Variants in CLEC2A observed in about 807,000 individuals in gnomAD.
CLEC2A encodes the protein keratinocyte-associated C-type lectin.
In CLEC2A, 19 loss-of-function variants were observed where a neutral mutation model predicts 18.6. The ratio of observed to expected loss-of-function variants is 1.02; its 90% confidence interval spans 0.71 to 1.50. The LOEUF is 1.50. CLEC2A is among the 40% of genes most tolerant of loss of function. The probability of loss-of-function intolerance (pLI) is 0.00; values close to 1 mark genes in which losing one functional copy is unlikely to be tolerated. For missense variants in CLEC2A, 190 were observed against 207.9 expected, an observed-to-expected ratio of 0.91 and a Z score of 0.53; for synonymous variants, 74 against 64.0, an observed-to-expected ratio of 1.16 and a Z score of -0.75.
downstream of CLEC2A, among the ~76,000 whole-genome samples, chr12:9,895,011 C>T (rs960230444): frequency 6.6e-6 from 1 of 152,020 alleles, no homozygotes; most frequent in African/African-American, 2.4e-5. Flanking sequence ...TCATTAGTAA[C>T]TAGAAAGAAT....
intron 3 of CLEC2A, among the ~76,000 whole-genome samples, chr12:9,921,851 A>G (rs1863177790): frequency 6.6e-6 from 1 of 152,176 alleles, no homozygotes; most frequent in Non-Finnish European, 1.5e-5. Flanking sequence ...CGTTGTTTTC[A>G]TATTGAGTAG....
intron 4 of CLEC2A, among the ~76,000 whole-genome samples, chr12:9,903,490 T>C (rs913462206): frequency 1.3e-5 from 2 of 152,250 alleles, no homozygotes; most frequent in Non-Finnish European, 2.9e-5. Context: ...GCTAGTTCAT[T>C]GGATAAAACA....
At chr12:9,930,830 T>C (rs1300099581) in intron 1 of CLEC2A, among the ~76,000 whole-genome samples, 1 of 152,114 alleles carries the variant, frequency 6.6e-6, no homozygotes, top group Non-Finnish European at 1.5e-5. Flanking sequence ...TTATATTTTC[T>C]AACTGTTTTC....
chr12:9,922,925 T>C (rs1389920171), intron 2 of CLEC2A, among the ~76,000 whole-genome samples: 1 of 152,148 alleles, frequency 6.6e-6, no homozygotes, highest in Non-Finnish European at 1.5e-5. Context: ...CATGATTTAT[T>C]ATTATTATTA....
intron 4 of CLEC2A, among the ~76,000 whole-genome samples, chr12:9,899,884 C>A (rs1269251968): frequency 6.6e-6 from 1 of 152,192 alleles, no homozygotes; most frequent in African/African-American, 2.4e-5. Context: ...TCCCTCAGAT[C>A]CAGTTTTCTT....
intron 4 of CLEC2A, among the ~76,000 whole-genome samples, chr12:9,906,635 A>C (rs2137022247): frequency 6.6e-6 from 1 of 152,338 alleles, no homozygotes; most frequent in South Asian, 2.1e-4. Flanking sequence ...TAATGCAAGC[A>C]GTTCACAAGT....
At chr12:9,891,062 G>C in the CLEC2A span, among the ~76,000 whole-genome samples, 1 of 83,504 alleles carries the variant, frequency 1.2e-5, no homozygotes, top group Non-Finnish European at 2.5e-5. Flanking sequence ...TTTTTTTTTT[G>C]CCCTTTATTT....
intron 3 of CLEC2A, among the ~76,000 whole-genome samples, chr12:9,919,041 C>G (rs1863119525): frequency 6.6e-6 from 1 of 152,158 alleles, no homozygotes; most frequent in Admixed American, 6.5e-5. Flanking sequence ...ACTCTTGATC[C>G]ATTGTGTGAC....
At chr12:9,922,615 A>G (rs1863192953) in intron 2 of CLEC2A, among the ~76,000 whole-genome samples, 2 of 152,254 alleles carry the variant, frequency 1.3e-5, no homozygotes, top group Non-Finnish European at 2.9e-5. Flanking sequence ...TCCTTTACCT[A>G]TGAAAACACC....
At chr12:9,886,217 G>A in the CLEC2A span, among the ~76,000 whole-genome samples, 3 of 151,974 alleles carry the variant, frequency 2.0e-5, no homozygotes, top group African/African-American at 4.8e-5. Flanking sequence ...TACAATATGT[G>A]TGTTTCTATA....
the CLEC2A span, chr12:9,884,870 A>G: frequency 1.9e-6 from 1 of 527,374 alleles, no homozygotes; most frequent in Non-Finnish European, 3.2e-6. Context: ...TCTGTAATAA[A>G]AATGAAACAG....
intron 1 of CLEC2A, among the ~76,000 whole-genome samples, chr12:9,927,233 A>G (rs1043660566): frequency 6.6e-6 from 1 of 152,242 alleles, no homozygotes; most frequent in African/African-American, 2.4e-5. Flanking sequence ...ATAGCATGTT[A>G]TCGTACTAAT....
the CLEC2A span, chr12:9,888,703 T>C: frequency 1.5e-6 from 2 of 1,300,826 alleles, no homozygotes; most frequent in Non-Finnish European, 2.1e-6. Flanking sequence ...TTTAAATGTT[T>C]CTCATATCTT....
the CLEC2A span, among the ~76,000 whole-genome samples, chr12:9,885,646 T>TATTGGGCA: frequency 6.6e-6 from 1 of 152,012 alleles, no homozygotes; most frequent in South Asian, 2.1e-4. Context: ...TCCATATTTG[T>TATTGGGCA]ATTGGGCAAT....
intron 1 of CLEC2A, among the ~76,000 whole-genome samples, chr12:9,927,971 GA>G (rs531444340): frequency 2.0e-5 from 3 of 151,436 alleles, no homozygotes; most frequent in African/African-American, 7.3e-5. Flanking sequence ...AAACAATTGA[GA>G]AAAAAAGGCT....
At chr12:9,884,952 A>G in the CLEC2A span, 2 of 1,269,806 alleles carry the variant, frequency 1.6e-6, no homozygotes, top group Non-Finnish European at 2.0e-6. Context: ...CTATATCCAC[A>G]ATATTATTGT....
At chr12:9,899,288 C>G (rs1862793576) in intron 4 of CLEC2A, among the ~76,000 whole-genome samples, 1 of 152,124 alleles carries the variant, frequency 6.6e-6, no homozygotes, top group Non-Finnish European at 1.5e-5. Context: ...AATTACCTAA[C>G]TGAGAGGAGT....
At chr12:9,913,972 T>C (rs1350264240) in intron 4 of CLEC2A, among the ~76,000 whole-genome samples, 1 of 152,212 alleles carries the variant, frequency 6.6e-6, no homozygotes, top group Non-Finnish European at 1.5e-5. Flanking sequence ...CCTTCCATTC[T>C]TCCTTCCTTC....
downstream of CLEC2A, among the ~76,000 whole-genome samples, chr12:9,911,353 A>C (rs956799551): frequency 2.6e-5 from 4 of 152,210 alleles, no homozygotes; most frequent in Non-Finnish European, 5.9e-5. Flanking sequence ...GCCTCTGAGC[A>C]AAGAACAAGG....
Sources: allele counts gnomAD v4.1 joint callset (sites outside exome capture counted in the v4.1 genomes callset), GRCh38; gene constraint gnomAD v4.1.1; transcripts MANE v1.5; gene names NCBI Gene and HGNC (gene_info 2026-07-23, HGNC 2026-07-21).